The following ADGRB3 variants were observed in gnomAD, a reference collection of about 807,000 sequenced individuals.
The protein encoded by ADGRB3 is adhesion G protein-coupled receptor B3, also known as brain-specific angiogenesis inhibitor 3.
Under a neutral mutation model 193.4 loss-of-function variants are expected in ADGRB3, and 37 were observed. The observed-to-expected ratio is 0.19, with a 90% CI of 0.15 to 0.25. The LOEUF is 0.25. Ranked by LOEUF, ADGRB3 falls within the 10% of genes least tolerant of loss-of-function variation. The pLI is 1.00. For synonymous variants in ADGRB3, 690 were observed against 644.2 expected, an observed-to-expected ratio of 1.07 and a Z score of -1.08; for missense variants, 1,637 against 1,852.9, an observed-to-expected ratio of 0.88 and a Z score of 2.14.
Position 69,063,633 on chromosome 6 carries a change from G to A in ADGRB3, c.2436+597G>A, listed in dbSNP as rs546171425. On this transcript the variant is annotated intron_variant, in intron 16 of 31. Coordinates refer to ENST00000370598, the MANE Select transcript of ADGRB3 (RefSeq NM_001704.3). ...AGTGGGTAGCGTGTAGAAATACTAAGTCAAGGATCAGGGAAGGCTTATTAT... is the reference window on the plus strand; with the variant it reads ...AGTGGGTAGCGTGTAGAAATACTAAATCAAGGATCAGGGAAGGCTTATTAT... 1.2e-4 allele frequency among the ~76,000 whole-genome samples: 19 copies of A among 152,070 alleles called. No homozygotes were observed. The South Asian group carries it at 3.5e-3, about 28-fold the overall frequency.
intron 14 of ADGRB3, among the ~76,000 whole-genome samples, chr6:69,048,721 A>G: frequency 6.6e-6 from 1 of 152,080 alleles, no homozygotes; most frequent in East Asian, 1.9e-4. Flanking sequence ...CGGTTTGAAG[A>G]TATTATTTTG....
intron 3 of ADGRB3, among the ~76,000 whole-genome samples, chr6:68,715,292 C>A (rs1404890394): frequency 6.6e-6 from 1 of 151,416 alleles, no homozygotes; most frequent in Non-Finnish European, 1.5e-5. Flanking sequence ...CACGTCTGCA[C>A]TTTATTTTTA....
In ADGRB3 at chr6:69,171,053, A is replaced by T. The variant is rs140670261; in HGVS notation, c.2481-62237A>T. 1.7e-3 allele frequency among the ~76,000 whole-genome samples: 261 copies of T among 152,346 alleles called. 1 individual carries two copies. The highest frequency in any genetic ancestry group is 3.3e-3 in the Admixed American group (51 of 15,300). On this transcript the variant is annotated intron_variant, in intron 17 of 31. Coordinates refer to ENST00000370598, the MANE Select transcript of ADGRB3 (RefSeq NM_001704.3). ...CTAATAATATATTCATTCTAAAAAG[A>T]TATTTTATTTAACCCAATATATCTA... is the stretch of plus-strand genomic sequence containing the variant.
chr6:68,721,973 C>T (rs544822710), intron 3 of ADGRB3, among the ~76,000 whole-genome samples: 15 of 151,374 alleles, frequency 9.9e-5, no homozygotes, highest in African/African-American at 3.6e-4. Flanking sequence ...TTTTCATTTG[C>T]ATTTTATGAA....
At chr6:68,688,556 T>C (rs1025235973) in intron 3 of ADGRB3, among the ~76,000 whole-genome samples, 4 of 152,190 alleles carry the variant, frequency 2.6e-5, no homozygotes, top group Non-Finnish European at 5.9e-5. Flanking sequence ...GGCCATTGTT[T>C]AGCCACTCAG....
intron 20 of ADGRB3, among the ~76,000 whole-genome samples, chr6:69,303,775 G>T (rs1191512393): frequency 6.6e-6 from 1 of 151,896 alleles, no homozygotes; most frequent in Non-Finnish European, 1.5e-5. Context: ...AAAGAATTCT[G>T]TTTTCAGTGG....
chr6:69,281,593 C>T (rs1354315636), intron 20 of ADGRB3, among the ~76,000 whole-genome samples: 1 of 152,154 alleles, frequency 6.6e-6, no homozygotes. Context: ...CCTGCTGCAC[C>T]TCAGCCTACA....
intron 17 of ADGRB3, among the ~76,000 whole-genome samples, chr6:69,116,490 G>A (rs966444242): frequency 6.6e-6 from 1 of 152,076 alleles, no homozygotes; most frequent in Non-Finnish European, 1.5e-5. Flanking sequence ...TTATTTTTCA[G>A]GACACAGCTG....
intron 15 of ADGRB3, among the ~76,000 whole-genome samples, chr6:69,056,822 A>G (rs552271544): frequency 6.6e-6 from 1 of 152,288 alleles, no homozygotes; most frequent in Admixed American, 6.5e-5. Flanking sequence ...TGACACCAGT[A>G]CCATACTTTA....
chr6:68,890,535 A>T (rs923511516), intron 3 of ADGRB3, among the ~76,000 whole-genome samples: 1 of 152,180 alleles, frequency 6.6e-6, no homozygotes, highest in Non-Finnish European at 1.5e-5. Context: ...ATCTGTAATG[A>T]ATTTGTGGTT....
chr6:69,123,578 T>C (rs1347102353), intron 17 of ADGRB3, among the ~76,000 whole-genome samples: 4 of 152,124 alleles, frequency 2.6e-5, no homozygotes, highest in Admixed American at 2.6e-4. Context: ...ATAAATGCTA[T>C]ATAGAAAGAT....
intron 20 of ADGRB3, among the ~76,000 whole-genome samples, chr6:69,290,194 G>A (rs1767638062): frequency 6.6e-6 from 1 of 152,052 alleles, no homozygotes; most frequent in Non-Finnish European, 1.5e-5. Flanking sequence ...ACCCTTCCCT[G>A]GAGAAAATCA....
chr6:69,297,382 CTCTCTCTCTA>C (rs1767849021), intron 20 of ADGRB3, among the ~76,000 whole-genome samples: 2 of 140,274 alleles, frequency 1.4e-5, no homozygotes, highest in African/African-American at 5.6e-5. Context: ...CTCTCTCTCT[CTCTCTCTCTA>C]TCTCTCTCTC....
intron 11 of ADGRB3, among the ~76,000 whole-genome samples, chr6:69,013,340 A>C (rs565961981): frequency 7.8e-4 from 118 of 152,250 alleles, no homozygotes; most frequent in Non-Finnish European, 1.4e-3. Flanking sequence ...AGGCGAAGAT[A>C]AAGCCAATAG....
At chr6:69,110,801 A>G (rs537993992) in intron 17 of ADGRB3, among the ~76,000 whole-genome samples, 1 of 152,306 alleles carries the variant, frequency 6.6e-6, no homozygotes, top group African/African-American at 2.4e-5. Flanking sequence ...CAACCTTCTT[A>G]AGGTTGATAT....
chr6:69,170,863 A>G (rs879427025), intron 17 of ADGRB3, among the ~76,000 whole-genome samples: 1 of 152,160 alleles, frequency 6.6e-6, no homozygotes, highest in Non-Finnish European at 1.5e-5. Flanking sequence ...TTGAAGGTAG[A>G]TGAACTCAAG....
chr6:68,883,995 A>G (rs1765821239), intron 3 of ADGRB3, among the ~76,000 whole-genome samples: 1 of 152,076 alleles, frequency 6.6e-6, no homozygotes, highest in South Asian at 2.1e-4. Context: ...TGTGAACAAG[A>G]AAGCAGAATT....
rs772954271 is a variant in ADGRB3, at chr6:69,233,378, T to A, written c.2569T>A (p.Ser857Thr). ...SHTKCLCDRL[S>T]TFAILAQQPR... is the part of the protein sequence containing the mutation. ...TACGAAATGCTTATGTGATCGTCTC[T>A]CTACCTTCGCCATTTTGGCTCAGCA... Residue 857 changes from serine (S) to threonine (T), a missense_variant, in exon 18 of 32, where the codon TCT (serine) becomes ACT (threonine). Physicochemically the swap from Ser to Thr is moderately conservative, Grantham distance 58. This residue lies in a region of ADGRB3 where 641 missense variants were observed against 673.9 expected (regional missense o/e 0.95). Transcript: ENST00000370598. 7 of 1,614,114 alleles carry A rather than the reference T, an allele frequency of 4.3e-6. No homozygotes were observed. In the South Asian group the frequency reaches 7.7e-5, roughly 18 times the overall value.
chr6:69,212,385 C>T (rs933816053), intron 17 of ADGRB3, among the ~76,000 whole-genome samples: 4 of 152,106 alleles, frequency 2.6e-5, no homozygotes, highest in African/African-American at 9.7e-5. Context: ...ACCGCACTAT[C>T]GAGTTCCCAT....
Sources: allele counts gnomAD v4.1 joint callset (sites outside exome capture counted in the v4.1 genomes callset), GRCh38; gene constraint gnomAD v4.1.1; regional missense constraint gnomAD v4.1.1; transcripts MANE v1.5; gene names NCBI Gene and HGNC (gene_info 2026-07-23, HGNC 2026-07-21).